Variants in ESR1 observed in about 807,000 individuals in gnomAD.
ESR1 encodes the protein estrogen receptor 1.
In ESR1, 12 loss-of-function variants were observed where a neutral mutation model predicts 52.7. The observed-to-expected ratio is 0.23, with a 90% CI of 0.15 to 0.37. The LOEUF is 0.37. Among genes scored for constraint, ESR1 ranks in the 10% least tolerant of loss-of-function variants. The pLI, the probability that ESR1 is intolerant of heterozygous loss-of-function variation, is 1.00. For synonymous variants in ESR1, 305 were observed against 316.8 expected (o/e 0.96, Z 0.39); for missense variants, 584 against 779.7 (o/e 0.75, Z 2.99).
At chr6:152,013,732 T>G (rs1562670544) in intron 5 of ESR1, among the ~76,000 whole-genome samples, 1 of 152,174 alleles carries the variant, frequency 6.6e-6, no homozygotes, top group Non-Finnish European at 1.5e-5. Context: ...TAATTTTCTT[T>G]CCTCTCTCAC....
chr6:151,688,012 CTTTT>C (rs1250346380), upstream of ESR1, among the ~76,000 whole-genome samples: 1 of 151,908 alleles, frequency 6.6e-6, no homozygotes, highest in Non-Finnish European at 1.5e-5. Flanking sequence ...TTGTTTTCTT[CTTTT>C]TTAATTGTTC....
chr6:151,733,407 G>A (rs975583813), intron 2 of ESR1, among the ~76,000 whole-genome samples: 2 of 152,100 alleles, frequency 1.3e-5, no homozygotes, highest in African/African-American at 2.4e-5. Flanking sequence ...TTGTGATGAG[G>A]AACATAAGCC....
At chr6:151,892,840 T>A (rs1448806757) in intron 3 of ESR1, among the ~76,000 whole-genome samples, 1 of 152,184 alleles carries the variant, frequency 6.6e-6, no homozygotes, top group Non-Finnish European at 1.5e-5. Context: ...CAGAAATATA[T>A]GTCAGCCTTA....
chr6:152,041,762 C>T (rs1242799554), intron 5 of ESR1, among the ~76,000 whole-genome samples: 1 of 152,156 alleles, frequency 6.6e-6, no homozygotes, highest in African/African-American at 2.4e-5. Context: ...ATCGATATAC[C>T]CCTGAGGTAG....
At chr6:151,809,541 G>T (rs1020254834) in intron 1 of ESR1, among the ~76,000 whole-genome samples, 2 of 152,152 alleles carry the variant, frequency 1.3e-5, no homozygotes, top group South Asian at 2.1e-4. Context: ...CTGGTATCCG[G>T]ACTGGTGTCC....
intron 2 of ESR1, among the ~76,000 whole-genome samples, chr6:151,780,291 GACAC>G (rs1307045585): frequency 2.6e-5 from 4 of 151,920 alleles, no homozygotes; most frequent in Non-Finnish European, 5.9e-5. Context: ...AAACCACCAT[GACAC>G]ATGTATACCT....
chr6:151,908,749 A>G (rs545317702), intron 3 of ESR1, among the ~76,000 whole-genome samples: 14 of 152,212 alleles, frequency 9.2e-5, no homozygotes, highest in African/African-American at 3.1e-4. Flanking sequence ...TGAATCATGA[A>G]ATCTTTCTAA....
intron 4 of ESR1, among the ~76,000 whole-genome samples, chr6:151,975,910 A>G (rs559077441): frequency 2.0e-4 from 30 of 152,272 alleles, no homozygotes; most frequent in Admixed American, 3.3e-4. Flanking sequence ...CTGTGAATGC[A>G]GAGATCAAGG....
intron 6 of ESR1, among the ~76,000 whole-genome samples, chr6:152,087,524 G>A (rs9322356): frequency 0.13 from 19,155 of 152,042 alleles, 1,522 homozygotes; most frequent in East Asian, 0.34. Flanking sequence ...CGAACATGTT[G>A]ATATCATAAC....
At chr6:151,791,202 G>A (rs970841583) in intron 2 of ESR1, among the ~76,000 whole-genome samples, 9 of 152,102 alleles carry the variant, frequency 5.9e-5, no homozygotes, top group Admixed American at 4.6e-4. Flanking sequence ...CTGTGACCTC[G>A]CTCAAATCTC....
rs146445910 is a variant in ESR1, at chr6:152,123,832, G to A, written c.851-1434G>A. Reference sequence around the variant, plus strand: ...ATATGAGCGTGTGAAAGCTGTATTGGTAACTGTAGGTTTGGTCCAGAAGAA... The same window carrying A: ...ATATGAGCGTGTGAAAGCTGTATTGATAACTGTAGGTTTGGTCCAGAAGAA... On this transcript the variant is annotated intron_variant, in intron 6 of 6. Coordinates refer to the ESR1 transcript ENST00000427531. Among the ~76,000 whole-genome samples, 497 of 152,310 alleles carry A rather than the reference G, an allele frequency of 3.3e-3. 2 individuals carry two copies. Among genetic ancestry groups the A allele is most frequent in the Admixed American group, 8.7e-3 (133 of 15,304 alleles).
At chr6:151,714,928 G>A (rs1052850622) in intron 2 of ESR1, among the ~76,000 whole-genome samples, 7 of 152,122 alleles carry the variant, frequency 4.6e-5, no homozygotes, top group African/African-American at 1.7e-4. Context: ...GTTTCTCGTA[G>A]TGTTGATGGT....
Position 152,100,007 on chromosome 6 carries a change from G to T in ESR1, c.*1041G>T. ...AGCTGAACAGTACTTGTGCAGGATT[G>T]TTGTGGCTACTAGAGAACAAGAGGG... On this transcript the variant is annotated 3_prime_UTR_variant, in exon 8 of 8. Coordinates refer to ENST00000206249, the MANE Select transcript of ESR1 (RefSeq NM_000125.4). The T allele has an allele frequency of 2.5e-6, 1 of 398,760 alleles. No individual in the cohort carries two copies. Among genetic ancestry groups the T allele is most frequent in the Non-Finnish European group, 4.4e-6 (1 of 226,190 alleles). 24.7% of individuals were successfully genotyped at this position (398,760 alleles called of 1,614,324 possible).
rs1334831363 is a variant in ESR1 at position 152,122,405 on chromosome 6, C to T, written c.851-2861C>T. Reference sequence around the variant, plus strand: ...TTATGACCCGATCCTCCTTATGCTACCAGCACTTCTGCAGATGGCATCTGC... The same window carrying T: ...TTATGACCCGATCCTCCTTATGCTATCAGCACTTCTGCAGATGGCATCTGC... On this transcript the variant is annotated intron_variant, in intron 6 of 6. Transcript: ENST00000427531. 3.1e-6 allele frequency: 5 copies of T among 1,613,794 alleles called. No homozygotes were observed. The African/African-American group carries it at 6.7e-5, about 22-fold the overall frequency.
intron 4 of ESR1, among the ~76,000 whole-genome samples, chr6:151,980,861 G>A (rs920459170): frequency 1.3e-5 from 2 of 152,082 alleles, no homozygotes; most frequent in African/African-American, 4.8e-5. Flanking sequence ...GTGCCACCAC[G>A]TCCAGCTAAT....
At chr6:151,873,263 A>G (rs1302696320) in intron 2 of ESR1, among the ~76,000 whole-genome samples, 2 of 152,212 alleles carry the variant, frequency 1.3e-5, no homozygotes, top group Admixed American at 6.5e-5. Context: ...GTGTGGCTTA[A>G]ATCAGGCTTT....
rs9340982 is a variant in ESR1 at position 152,020,125 on chromosome 6, G to A, written c.1235+8331G>A. ...TCCTCCATCACTTTCTAAACGCTAT[G>A]GATTCTGAGTGAAAACCAATCGCTG... On this transcript the variant is annotated intron_variant, in intron 5 of 7. Coordinates refer to ENST00000206249, the MANE Select transcript of ESR1 (RefSeq NM_000125.4). Among the ~76,000 whole-genome samples, 32 of 152,206 alleles carry A rather than the reference G, an allele frequency of 2.1e-4. No individual in the cohort carries two copies. The East Asian group carries it at 5.4e-3, about 26-fold the overall frequency.
chr6:151,732,002 G>A (rs1782282957), intron 2 of ESR1, among the ~76,000 whole-genome samples: 1 of 152,146 alleles, frequency 6.6e-6, no homozygotes, highest in African/African-American at 2.4e-5. Flanking sequence ...GGTGCCTAGA[G>A]TTGCTCTTGG....
chr6:152,119,284 G>A (rs1184785910), intron 6 of ESR1, among the ~76,000 whole-genome samples: 6 of 152,016 alleles, frequency 3.9e-5, no homozygotes, highest in African/African-American at 7.3e-5. Context: ...TTTCCCATCT[G>A]GGCCTTCAGA....
Sources: allele counts gnomAD v4.1 joint callset (sites outside exome capture counted in the v4.1 genomes callset), GRCh38; gene constraint gnomAD v4.1.1; transcripts MANE v1.5; gene names NCBI Gene and HGNC (gene_info 2026-07-23, HGNC 2026-07-21).